The following LAMC1 variants were observed in gnomAD, a reference collection of about 807,000 sequenced individuals.
The protein encoded by LAMC1 is laminin subunit gamma 1, also known as laminin subunit gamma-1.
LAMC1 carries 38 observed loss-of-function variants against 173.6 expected under a neutral mutation model. That is an observed-to-expected ratio of 0.22 (90% CI 0.17 to 0.29). LAMC1 has a LOEUF of 0.29. Ranked by LOEUF, LAMC1 falls within the 10% of genes least tolerant of loss-of-function variation. The pLI is 1.00. For synonymous variants in LAMC1, 746 were observed against 749.1 expected, an observed-to-expected ratio of 1.00 and a Z score of 0.07; for missense variants, 1,824 against 2,051.8, an observed-to-expected ratio of 0.89 and a Z score of 2.14.
intron 1 of LAMC1, among the ~76,000 whole-genome samples, chr1:183,073,108 G>C (rs896560556): frequency 6.6e-6 from 1 of 152,242 alleles, no homozygotes; most frequent in African/African-American, 2.4e-5. Context: ...GACAGAGTCA[G>C]CTGGACATCA....
chr1:183,087,837 G>C (rs1305732273), intron 1 of LAMC1, among the ~76,000 whole-genome samples: 1 of 150,964 alleles, frequency 6.6e-6, no homozygotes, highest in Non-Finnish European at 1.5e-5. Context: ...TTTTGAGACG[G>C]AGTTTTGCTC....
chr1:183,065,177 G>T (rs953699998), intron 1 of LAMC1, among the ~76,000 whole-genome samples: 2 of 152,194 alleles, frequency 1.3e-5, no homozygotes, highest in Admixed American at 1.3e-4. Flanking sequence ...GAAAAGGTAC[G>T]GTAAAAATAC....
At chr1:183,116,483 A>G in intron 6 of LAMC1, 94 bp from the exon 7 acceptor site, 1 of 890,976 alleles carries the variant, frequency 1.1e-6, no homozygotes, top group Non-Finnish European at 1.7e-6. Context: ...TCTCAAAAAA[A>G]AAAAAATCTG....
chr1:183,049,723 G>A (rs1168636541), intron 1 of LAMC1, among the ~76,000 whole-genome samples: 6 of 151,718 alleles, frequency 4.0e-5, no homozygotes, highest in Non-Finnish European at 8.8e-5. Context: ...CTTGGCCTCT[G>A]AGAGTGCTGG....
intron 1 of LAMC1, among the ~76,000 whole-genome samples, chr1:183,036,031 A>G (rs2102010775): frequency 1.3e-5 from 2 of 151,458 alleles, no homozygotes; most frequent in Middle Eastern, 3.5e-3. Context: ...GGGAGTGCTG[A>G]CCACCATTCT....
intron 1 of LAMC1, among the ~76,000 whole-genome samples, chr1:183,027,690 T>C (rs1488034165): frequency 1.3e-5 from 2 of 152,252 alleles, no homozygotes; most frequent in Non-Finnish European, 2.9e-5. Context: ...AATGAAGCTT[T>C]TAAATCTGCA....
intron 19 of LAMC1, among the ~76,000 whole-genome samples, 182 bp from the exon 20 acceptor site, chr1:183,131,117 T>C (rs1462823372): frequency 1.4e-5 from 2 of 141,526 alleles, no homozygotes; most frequent in East Asian, 4.1e-4. Context: ...GAGGTTGCGG[T>C]GAACTGAAAT....
At chr1:183,058,700 A>T (rs1457451237) in intron 1 of LAMC1, among the ~76,000 whole-genome samples, 1 of 152,166 alleles carries the variant, frequency 6.6e-6, no homozygotes. Flanking sequence ...GTTTATGTAG[A>T]CTTGAAATAT....
rs537080251 is a variant in LAMC1 at position 183,127,501 on chromosome 1, A to G, written c.3123+97A>G. ...CTATAGAAAAAGTGGTGAACAAGGTAGATGTGGTCCCTGTTCTTAAAGACT... is the reference window on the plus strand; with the variant it reads ...CTATAGAAAAAGTGGTGAACAAGGTGGATGTGGTCCCTGTTCTTAAAGACT... On this transcript the variant is annotated intron_variant, in intron 17 of 27. Coordinates refer to ENST00000258341, the MANE Select transcript of LAMC1 (RefSeq NM_002293.4). The G allele has an allele frequency of 6.1e-5, 62 of 1,016,224 alleles. No individual in the cohort carries two copies. In the East Asian group the frequency reaches 1.5e-3, roughly 24 times the overall value. The allele number at this position is 1,016,224 out of a possible 1,614,324, so 63.0% of individuals were successfully genotyped here. A position where few individuals can be genotyped will look rare whatever the true frequency, so the allele number is the denominator to read the frequency against.
At chr1:183,045,752 G>A (rs957387342) in intron 1 of LAMC1, among the ~76,000 whole-genome samples, 2 of 152,014 alleles carry the variant, frequency 1.3e-5, no homozygotes, top group Non-Finnish European at 1.5e-5. Context: ...TTCCCAGAGT[G>A]ATCGTGCTAG....
At chr1:183,040,212 C>T (rs993718652) in intron 1 of LAMC1, among the ~76,000 whole-genome samples, 10 of 152,204 alleles carry the variant, frequency 6.6e-5, no homozygotes, top group African/African-American at 1.4e-4. Context: ...TTGTGCCTCC[C>T]GCTAACACAC....
In LAMC1 at chr1:183,136,538, A is replaced by G; in HGVS notation, c.4267A>G (p.Lys1423Glu). ...GSAAADATEA[K>E]NKAHEAERIA... ...TGCTGCGGCGGATGCCACAGAGGCCAAGAACAAGGCCCATGAGGCGGAGAG... is the reference window on the plus strand; with the variant it reads ...TGCTGCGGCGGATGCCACAGAGGCCGAGAACAAGGCCCATGAGGCGGAGAG... The change falls in exon 25 of 28, where the codon AAG (lysine) becomes GAG (glutamate). Residue 1423 changes from lysine (K) to glutamate (E), a missense_variant. Coordinates refer to ENST00000258341, the MANE Select transcript of LAMC1 (RefSeq NM_002293.4). 4.3e-6 allele frequency: 7 copies of G among 1,613,862 alleles called. No individual in the cohort carries two copies. Among genetic ancestry groups the G allele is most frequent in the Non-Finnish European group, 5.9e-6 (7 of 1,179,838 alleles).
At chr1:183,130,216 C>A (rs1332532764) in intron 18 of LAMC1, 128 bp from the exon 19 acceptor site, 1 of 759,524 alleles carries the variant, frequency 1.3e-6, no homozygotes, top group Non-Finnish European at 2.2e-6. Context: ...ATGGCAGGGG[C>A]TTTGTGGAAA....
At chr1:183,094,644 G>T (rs901480070) in intron 1 of LAMC1, among the ~76,000 whole-genome samples, 1 of 152,142 alleles carries the variant, frequency 6.6e-6, no homozygotes, top group African/African-American at 2.4e-5. Flanking sequence ...GGTGGCTGTG[G>T]TAAGAAATTA....
At chr1:183,102,114 G>A (rs1310737563) in intron 1 of LAMC1, among the ~76,000 whole-genome samples, 1 of 152,104 alleles carries the variant, frequency 6.6e-6, no homozygotes, top group Non-Finnish European at 1.5e-5. Flanking sequence ...GACTCCAGCC[G>A]GCAGCCAGAG....
chr1:183,132,979 C>T (rs919205555), intron 21 of LAMC1, among the ~76,000 whole-genome samples: 3 of 152,108 alleles, frequency 2.0e-5, no homozygotes, highest in African/African-American at 7.2e-5. Flanking sequence ...GGCGCGATCT[C>T]GGCTCACTGC....
rs747600878 is a variant in LAMC1, at chr1:183,135,083, C to G, written c.4041C>G (p.Ala1347=). 6.2e-7 allele frequency: 1 copy of G among 1,614,064 alleles called. No homozygotes were observed. Among genetic ancestry groups the G allele is most frequent in the Non-Finnish European group, 8.5e-7 (1 of 1,179,978 alleles). ...TAGCCCGAGCTGATGCTGCCAAGGC[C>G]CTCGCTGAAGAAGCTGCAAAGAAGG... is the stretch of plus-strand genomic sequence containing the variant. ...QLLARADAAK[A]LAEEAAKKGR... The change falls in exon 24 of 28, where the codon GCC becomes GCG. Residue 1347 remains alanine (A), a synonymous_variant. Transcript: ENST00000258341.
intron 3 of LAMC1, 130 bp from the exon 4 acceptor site, chr1:183,110,358 A>T: frequency 1.6e-6 from 1 of 616,160 alleles, no homozygotes. Flanking sequence ...TCCATTACTT[A>T]ATCTTGCTCA....
intron 4 of LAMC1, 111 bp downstream of exon 4, chr1:183,110,765 C>A: frequency 1.8e-6 from 2 of 1,128,192 alleles, no homozygotes; most frequent in Non-Finnish European, 2.6e-6. Context: ...TCTGAAAGGC[C>A]AGCTTTTTGT....
Sources: gnomAD v4.1 joint callset for allele counts (sites outside exome capture counted in the v4.1 genomes callset) on GRCh38, gnomAD v4.1.1 for gene constraint, MANE v1.5 for transcripts, NCBI Gene and HGNC (gene_info 2026-07-23, HGNC 2026-07-21) for gene names.